The following ELOVL6 variants were observed in gnomAD, a reference collection of about 807,000 sequenced individuals.
ELOVL6 encodes very long chain fatty acid elongase 6.
ELOVL6 carries 8 observed loss-of-function variants against 31.7 expected under a neutral mutation model. That is an observed-to-expected ratio of 0.25 (90% CI 0.15 to 0.45). ELOVL6 has a LOEUF of 0.45. ELOVL6 is among the 20% of genes least tolerant of loss of function. ELOVL6 has a pLI of 1.00. For synonymous variants in ELOVL6, 101 were observed against 117.7 expected (o/e 0.86, Z 0.92); for missense variants, 126 against 326.4 (o/e 0.39, Z 4.73).
At chr4:110,139,078 T>A (rs1291306091) in intron 1 of ELOVL6, among the ~76,000 whole-genome samples, 1 of 152,188 alleles carries the variant, frequency 6.6e-6, no homozygotes, top group African/African-American at 2.4e-5. Flanking sequence ...CAACTTTCAT[T>A]TCTTTTTAAT....
chr4:110,116,906 C>T (rs1034234135), intron 1 of ELOVL6, among the ~76,000 whole-genome samples: 8 of 152,148 alleles, frequency 5.3e-5, no homozygotes, highest in African/African-American at 9.7e-5. Context: ...TCCTTCACTT[C>T]CTTCCTTTCT....
chr4:110,070,593 A>G (rs933655909), intron 2 of ELOVL6, among the ~76,000 whole-genome samples: 1 of 152,172 alleles, frequency 6.6e-6, no homozygotes, highest in African/African-American at 2.4e-5. Flanking sequence ...CCTGGGGGAA[A>G]AAATCTCACG....
chr4:110,114,093 G>GA (rs1321296806), intron 1 of ELOVL6, among the ~76,000 whole-genome samples: 2 of 151,588 alleles, frequency 1.3e-5, no homozygotes, highest in African/African-American at 4.8e-5. Context: ...CCTTGAAAAC[G>GA]AAAAAAAGTG....
At chr4:110,164,389 T>G (rs1217747771) in intron 1 of ELOVL6, among the ~76,000 whole-genome samples, 1 of 152,174 alleles carries the variant, frequency 6.6e-6, no homozygotes, top group Non-Finnish European at 1.5e-5. Flanking sequence ...GCATGAGTAT[T>G]CTGAGCTAGG....
At chr4:110,119,039 G>A (rs556992869) in intron 1 of ELOVL6, among the ~76,000 whole-genome samples, 1 of 152,196 alleles carries the variant, frequency 6.6e-6, no homozygotes, top group South Asian at 2.1e-4. Flanking sequence ...CCTCCAGCCT[G>A]GGCCACAAAG....
intron 3 of ELOVL6, among the ~76,000 whole-genome samples, chr4:110,058,456 C>T (rs1347396006): frequency 6.6e-6 from 1 of 152,166 alleles, no homozygotes; most frequent in Non-Finnish European, 1.5e-5. Context: ...CAATTGTCAT[C>T]TACTTATAAA....
intron 2 of ELOVL6, among the ~76,000 whole-genome samples, chr4:110,101,812 C>T (rs1756749917): frequency 6.6e-6 from 1 of 152,044 alleles, no homozygotes; most frequent in Non-Finnish European, 1.5e-5. Flanking sequence ...GTAGCTGGGA[C>T]TACAGGTGCG....
intron 2 of ELOVL6, among the ~76,000 whole-genome samples, chr4:110,097,305 C>CAAAAAA (rs33970271): frequency 3.4e-5 from 3 of 88,684 alleles, no homozygotes; most frequent in African/African-American, 1.2e-4. Flanking sequence ...ACTCCATCTC[C>CAAAAAA]AAAAAAAAAA....
intron 2 of ELOVL6, chr4:110,093,215 T>C (rs1756475276): frequency 3.0e-6 from 1 of 328,770 alleles, no homozygotes; most frequent in Admixed American, 4.3e-5. Flanking sequence ...ATTAAAATTA[T>C]GATAAAAGAA....
chr4:110,103,267 T>C (rs1443948018), intron 2 of ELOVL6, among the ~76,000 whole-genome samples: 2 of 152,054 alleles, frequency 1.3e-5, no homozygotes, highest in Non-Finnish European at 2.9e-5. Context: ...ACAAGAAATA[T>C]ACAACATGCC....
At position 110,170,770 on chromosome 4, in the gene ELOVL6, C is replaced by T. The variant is rs527694858; in HGVS notation, c.89+27477G>A. ...GACTGCAAGCTCAATGTCAACAAAT[C>T]AACAATATATTAAATAAGATGTGTG... On this transcript the variant is annotated intron_variant, in intron 1 of 3. Coordinates refer to ENST00000302274, the MANE Select transcript of ELOVL6 (RefSeq NM_024090.3). 2.6e-5 allele frequency among the ~76,000 whole-genome samples: 4 copies of T among 152,234 alleles called. No individual in the cohort carries two copies. In the Middle Eastern group the frequency reaches 0.01, roughly 388 times the overall value.
chr4:110,093,635 A>G (rs577434920), intron 2 of ELOVL6, among the ~76,000 whole-genome samples: 1 of 152,350 alleles, frequency 6.6e-6, no homozygotes, highest in East Asian at 1.9e-4. Flanking sequence ...AAATGTAGAC[A>G]GTTGCTAGTA....
chr4:110,084,588 ATTTTTTTT>A (rs1168880044), intron 2 of ELOVL6, among the ~76,000 whole-genome samples: 64 of 29,560 alleles, frequency 2.2e-3, no homozygotes, highest in Middle Eastern at 0.043. Flanking sequence ...ATATATATAT[ATTTTTTTT>A]TTTTTTTTTT....
intron 1 of ELOVL6, among the ~76,000 whole-genome samples, chr4:110,165,427 C>T (rs1449187093): frequency 1.3e-5 from 2 of 152,174 alleles, no homozygotes; most frequent in South Asian, 2.1e-4. Context: ...CTTTATTCCT[C>T]AAACCCCACA....
In ELOVL6 at chr4:110,198,249, G is replaced by A. The variant is rs759487583; in HGVS notation, c.87C>T (p.Asn29=). 2 of 1,590,884 alleles carry A rather than the reference G, an allele frequency of 1.3e-6. No homozygotes were observed. Among genetic ancestry groups the A allele is most frequent in the Non-Finnish European group, 8.6e-7 (1 of 1,158,968 alleles). ...TATCAGGCGAAAGCATCACGTACCAGTTTTCCTGCATCCATTGGATGGCTT... is the reference window on the plus strand; with the variant it reads ...TATCAGGCGAAAGCATCACGTACCAATTTTCCTGCATCCATTGGATGGCTT... ...ENEAIQWMQE[N]WKKSFLFSAL... is the part of the protein sequence containing the mutation. Residue 29 remains asparagine, a splice_region_variant and synonymous_variant, in exon 1 of 4, where the codon AAC becomes AAT. Transcript: ENST00000302274.
At chr4:110,059,492 T>C (rs1032931398) in intron 3 of ELOVL6, 111 bp downstream of exon 3, 11 of 1,174,872 alleles carry the variant, frequency 9.4e-6, no homozygotes, top group African/African-American at 1.5e-5. Flanking sequence ...TCATTGTAAC[T>C]TTCTTGCAAC....
At chr4:110,077,044 G>A (rs1055071092) in intron 2 of ELOVL6, among the ~76,000 whole-genome samples, 10 of 152,300 alleles carry the variant, frequency 6.6e-5, no homozygotes, top group Admixed American at 2.6e-4. Context: ...GGAGAGGGGC[G>A]CCTGCCATTG....
intron 1 of ELOVL6, among the ~76,000 whole-genome samples, chr4:110,150,108 C>CA (rs1401870692): frequency 6.6e-6 from 1 of 152,100 alleles, no homozygotes; most frequent in Non-Finnish European, 1.5e-5. Flanking sequence ...GACACCGTCT[C>CA]ACTATGTGGC....
intron 1 of ELOVL6, among the ~76,000 whole-genome samples, chr4:110,145,481 C>A (rs969321074): frequency 6.6e-6 from 1 of 152,102 alleles, no homozygotes; most frequent in Non-Finnish European, 1.5e-5. Context: ...ACCAAAGAGG[C>A]GAACTGTCTA....
Sources: allele counts gnomAD v4.1 joint callset (sites outside exome capture counted in the v4.1 genomes callset), GRCh38; gene constraint gnomAD v4.1.1; transcripts MANE v1.5; gene names NCBI Gene and HGNC (gene_info 2026-07-23, HGNC 2026-07-21).